RPS3: variants seen among roughly 807,000 people sequenced by gnomAD.
RPS3 encodes the protein small ribosomal subunit protein uS3.
A neutral mutation model predicts 25.8 loss-of-function variants in RPS3; 2 were observed. The ratio of observed to expected loss-of-function variants is 0.08; its 90% confidence interval spans 0.03 to 0.24. RPS3 has a LOEUF of 0.24. Among genes scored for constraint, RPS3 ranks in the 10% least tolerant of loss-of-function variants. The probability of loss-of-function intolerance (pLI) is 1.00; values close to 1 mark genes in which losing one functional copy is unlikely to be tolerated. For synonymous variants in RPS3, 114 were observed against 114.2 expected, an observed-to-expected ratio of 1.00 and a Z score of 0.01; for missense variants, 107 against 307.1, an observed-to-expected ratio of 0.35 and a Z score of 4.87.
downstream of RPS3, among the ~76,000 whole-genome samples, chr11:75,408,500 G>T (rs974163033): frequency 6.6e-6 from 1 of 151,870 alleles, no homozygotes; most frequent in Non-Finnish European, 1.5e-5. Context: ...ACCCAGATTT[G>T]CCCCCTCCCT....
chr11:75,402,149 C>A, intron 3 of RPS3: 1 of 673,874 alleles, frequency 1.5e-6, no homozygotes, highest in Middle Eastern at 3.2e-4. Context: ...ATGTCTTGGG[C>A]CACACTACTA....
chr11:75,418,907 C>G (rs984022679), intron 6 of RPS3, among the ~76,000 whole-genome samples: 1 of 152,228 alleles, frequency 6.6e-6, no homozygotes, highest in African/African-American at 2.4e-5. Flanking sequence ...ACACCTGCAA[C>G]CAGCCTATTC....
In RPS3 at chr11:75,401,162, G is replaced by A. The variant is rs373592484; in HGVS notation, c.161+338G>A. On this transcript the variant is annotated intron_variant, in intron 2 of 6. Transcript: ENST00000531188. ...CTCCCAAAGTGCTGGGATTACAGGC[G>A]TGAGCCACCGCGCCCGGCAGGTTTA... Among the ~76,000 whole-genome samples, 8 of 152,312 alleles carry A rather than the reference G, an allele frequency of 5.3e-5. No individual in the cohort carries two copies. The East Asian group carries it at 9.6e-4, about 18-fold the overall frequency.
chr11:75,407,362 T>C (rs951065071), downstream of RPS3, among the ~76,000 whole-genome samples: 2 of 152,176 alleles, frequency 1.3e-5, no homozygotes, highest in African/African-American at 4.8e-5. Flanking sequence ...GGTCTCAAAC[T>C]CTTGACTTCA....
chr11:75,400,954 C>T (rs1437927883), intron 2 of RPS3, 130 bp downstream of exon 2: 4 of 1,283,164 alleles, frequency 3.1e-6, no homozygotes, highest in Non-Finnish European at 4.0e-6. Flanking sequence ...GCGATCTCGG[C>T]TCACTGCAAG....
chr11:75,419,051 C>T (rs1319045105), intron 6 of RPS3, among the ~76,000 whole-genome samples: 1 of 152,116 alleles, frequency 6.6e-6, no homozygotes, highest in Non-Finnish European at 1.5e-5. Flanking sequence ...CATAGCACAG[C>T]AATAGGGCCA....
chr11:75,414,034 C>T (rs1387753028), intron 6 of RPS3, among the ~76,000 whole-genome samples: 1 of 152,146 alleles, frequency 6.6e-6, no homozygotes, highest in African/African-American at 2.4e-5. Context: ...TCAGCTGTCC[C>T]TTTTTCTTTG....
At chr11:75,403,223 G>A (rs1317325956) in intron 4 of RPS3, 1 of 152,216 alleles carries the variant, frequency 6.6e-6, no homozygotes, top group African/African-American at 2.4e-5. Context: ...TAGAACAATG[G>A]TTCTCAAGAT....
chr11:75,399,661 C>A, intron 1 of RPS3, 84 bp downstream of exon 1: 1 of 1,219,970 alleles, frequency 8.2e-7, no homozygotes, highest in Non-Finnish European at 1.2e-6. Context: ...AGGCCTGCAG[C>A]TCCGTGGCCT....
chr11:75,400,576 T>G, intron 1 of RPS3, 118 bp from the exon 2 acceptor site: 2 of 1,411,312 alleles, frequency 1.4e-6, no homozygotes, highest in Non-Finnish European at 9.9e-7. Context: ...TTTGGAACCA[T>G]TGGTTGGAGG....
At position 75,406,808 on chromosome 11, in the gene RPS3, A is replaced by G. The variant is rs1258841417; in HGVS notation, c.*1198A>G. ...TAGACTTATTTTTCTTATTTTCAAA[A>G]TACTATATTTTCTTGTCACTTATTT... On this transcript the variant is annotated 3_prime_UTR_variant, in exon 7 of 7. Transcript: ENST00000531188. 6.6e-6 allele frequency: 1 copy of G among 152,232 alleles called. No homozygotes were observed. The highest frequency in any genetic ancestry group is 1.5e-5 in the Non-Finnish European group (1 of 68,040). The allele number at this position is 152,232 out of a possible 1,614,324, so 9.4% of individuals were successfully genotyped here.
chr11:75,402,610 A>G, intron 4 of RPS3, 164 bp downstream of exon 4: 1 of 648,082 alleles, frequency 1.5e-6, no homozygotes, highest in Non-Finnish European at 2.5e-6. Flanking sequence ...CTGGCAGGCT[A>G]ACAAGACTAC....
chr11:75,406,033 T>A lies in RPS3; in HGVS notation c.*423T>A, dbSNP rs569074088. 6.3e-6 allele frequency: 1 copy of A among 158,218 alleles called. No individual in the cohort carries two copies. Among genetic ancestry groups the A allele is most frequent in the Non-Finnish European group, 1.4e-5 (1 of 71,852 alleles). The allele number at this position is 158,218 out of a possible 1,614,324, so 9.8% of individuals were successfully genotyped here. The stretch of plus-strand genomic sequence containing the variant: ...CTGTGCTCTAAGTGTTCTTTACATA[T>A]GTACTCGTTAATCAACCTCTCTAAA... On this transcript the variant is annotated 3_prime_UTR_variant, in exon 7 of 7. Transcript: ENST00000531188.
intron 6 of RPS3, among the ~76,000 whole-genome samples, chr11:75,412,463 A>G (rs1263501285): frequency 6.6e-6 from 1 of 152,212 alleles, no homozygotes. Context: ...TCTTCAAGCC[A>G]AGGCTATCAT....
rs1194445981 is a variant in RPS3 at position 75,404,502 on chromosome 11, G to GC, written c.539-169dup. The GC allele has an allele frequency of 2.5e-6, 2 of 813,912 alleles. No homozygotes were observed. The highest frequency in any genetic ancestry group is 3.3e-5 in the African/African-American group (2 of 59,794). 50.4% of individuals were successfully genotyped at this position (813,912 alleles called of 1,614,324 possible). On this transcript the variant is annotated intron_variant, in intron 5 of 6. Coordinates refer to ENST00000531188, the MANE Select transcript of RPS3 (RefSeq NM_001005.5). This position sits in a 1 kb window ranked among gnomAD's most constrained non-coding sequence, Gnocchi z 4.6. ...TCAGTGCCATGTTCTGTGGTGCTGTGCACGAGTTCCTTTGGCAGAAGTGTC... is the reference window on the plus strand; with the variant it reads ...TCAGTGCCATGTTCTGTGGTGCTGTGCCACGAGTTCCTTTGGCAGAAGTGTC...
chr11:75,411,111 C>A (rs1343612036), downstream of RPS3, among the ~76,000 whole-genome samples: 3 of 151,982 alleles, frequency 2.0e-5, no homozygotes, highest in Non-Finnish European at 2.9e-5. Flanking sequence ...CTCTTGACCT[C>A]GTGATCTGCC....
chr11:75,421,092 G>A (rs1366735199), intron 6 of RPS3, among the ~76,000 whole-genome samples: 2 of 152,204 alleles, frequency 1.3e-5, no homozygotes, highest in Non-Finnish European at 2.9e-5. Flanking sequence ...CCATAGGGTG[G>A]GCGCAGGCAG....
At chr11:75,414,018 G>A (rs968025506) in intron 6 of RPS3, among the ~76,000 whole-genome samples, 1 of 152,158 alleles carries the variant, frequency 6.6e-6, no homozygotes, top group African/African-American at 2.4e-5. Flanking sequence ...CTCAGTGAAC[G>A]ATTTTTCAGC....
chr11:75,413,235 GTA>G (rs1168562802), intron 6 of RPS3, among the ~76,000 whole-genome samples: 2 of 118,026 alleles, frequency 1.7e-5, no homozygotes, highest in African/African-American at 3.6e-5. Flanking sequence ...GTGTGTGTGT[GTA>G]TATATATATA....
Sources: gnomAD v4.1 joint callset for allele counts (sites outside exome capture counted in the v4.1 genomes callset) on GRCh38, gnomAD v4.1.1 for gene constraint, Gnocchi (gnomAD v3.1) non-coding constraint, MANE v1.5 for transcripts, NCBI Gene and HGNC (gene_info 2026-07-23, HGNC 2026-07-21) for gene names.